Variants in ATP10A observed in about 807,000 individuals in gnomAD.
The protein encoded by ATP10A is phospholipid-transporting ATPase VA.
A neutral mutation model predicts 147.8 loss-of-function variants in ATP10A; 111 were observed. The observed-to-expected ratio is 0.75, with a 90% CI of 0.64 to 0.88. ATP10A has a LOEUF of 0.88. Ranked by LOEUF, ATP10A falls within the 40% of genes least tolerant of loss-of-function variation. ATP10A has a pLI of 0.00. For synonymous variants in ATP10A, 875 were observed against 841.6 expected (o/e 1.04, Z -0.69); for missense variants, 1,927 against 1,959.0 (o/e 0.98, Z 0.31).
In ATP10A at chr15:25,691,857, C is replaced by A. The variant is rs2066705; in HGVS notation, c.3089-66G>T. The A allele has an allele frequency of 5.6e-6, 9 of 1,597,958 alleles. No individual in the cohort carries two copies. In the East Asian group the frequency reaches 2.0e-4, roughly 36 times the overall value. On this transcript the variant is annotated intron_variant, in intron 14 of 20. Coordinates refer to ENST00000555815, the MANE Select transcript of ATP10A (RefSeq NM_024490.4). Reference sequence around the variant, plus strand: ...AACAGCACAGAATCAAATCAATGTGCTAGATTTTCTTGGGAGTCCCCGCTG... The same window carrying A: ...AACAGCACAGAATCAAATCAATGTGATAGATTTTCTTGGGAGTCCCCGCTG...
At chr15:25,771,648 T>C (rs1889342093) in intron 2 of ATP10A, among the ~76,000 whole-genome samples, 3 of 152,132 alleles carry the variant, frequency 2.0e-5, no homozygotes, top group South Asian at 2.1e-4. Context: ...CCAACTGAAG[T>C]CTCACAGGAA....
chr15:25,729,075 C>T (rs1487879160), intron 3 of ATP10A, among the ~76,000 whole-genome samples: 1 of 152,208 alleles, frequency 6.6e-6, no homozygotes, highest in African/African-American at 2.4e-5. Flanking sequence ...CCGTCAGCTC[C>T]GTTGTCATGG....
chr15:25,862,421 G>A lies in ATP10A; in HGVS notation c.449+227C>T. 4.6e-6 allele frequency: 3 copies of A among 653,184 alleles called. No individual in the cohort carries two copies. The South Asian group carries it at 5.0e-5, about 11-fold the overall frequency. 40.5% of individuals were successfully genotyped at this position (653,184 alleles called of 1,614,324 possible). A position where few individuals can be genotyped will look rare whatever the true frequency, so the allele number is the denominator to read the frequency against. ...ACACGGAGTGACAGGGGATCCCCACGCGTCCCCGCATCCAGGGCGCCCCTT... is the reference window on the plus strand; with the variant it reads ...ACACGGAGTGACAGGGGATCCCCACACGTCCCCGCATCCAGGGCGCCCCTT... On this transcript the variant is annotated intron_variant, in intron 1 of 20. Transcript: ENST00000555815.
At chr15:25,792,072 A>G (rs1890452938) in intron 1 of ATP10A, among the ~76,000 whole-genome samples, 1 of 152,174 alleles carries the variant, frequency 6.6e-6, no homozygotes, top group African/African-American at 2.4e-5. Flanking sequence ...TGAGCATCCA[A>G]TGCTGCTTCT....
At chr15:25,687,559 G>T in intron 16 of ATP10A, 144 bp downstream of exon 16, 1 of 594,322 alleles carries the variant, frequency 1.7e-6, no homozygotes, top group Non-Finnish European at 2.4e-6. Flanking sequence ...GCCCAGGACA[G>T]GGGACAATTA....
Position 25,863,118 on chromosome 15 carries a change from G to T in ATP10A, c.-22C>A. 2 of 1,155,398 alleles carry T rather than the reference G, an allele frequency of 1.7e-6. No homozygotes were observed. Among genetic ancestry groups the T allele is most frequent in the Non-Finnish European group, 2.1e-6 (2 of 939,946 alleles). 71.6% of individuals were successfully genotyped at this position (1,155,398 alleles called of 1,614,324 possible). ...CCATGGCCGCGTGTCGCCGCGCCCG[G>T]CTCCTCCGCCGCTCACGCCCGCCCG... On this transcript the variant is annotated 5_prime_UTR_variant, in exon 1 of 21. Transcript: ENST00000555815.
intron 13 of ATP10A, among the ~76,000 whole-genome samples, chr15:25,699,665 T>C (rs1452802456): frequency 2.0e-5 from 3 of 152,098 alleles, no homozygotes; most frequent in Non-Finnish European, 4.4e-5. Context: ...GTTCAGGATT[T>C]TGACACCAGC....
intron 14 of ATP10A, among the ~76,000 whole-genome samples, chr15:25,694,339 A>G (rs1347401259): frequency 6.6e-6 from 1 of 152,262 alleles, no homozygotes; most frequent in East Asian, 1.9e-4. Context: ...AACCATCAGC[A>G]CAGCTGACAG....
chr15:25,750,794 T>C (rs1435218970), intron 2 of ATP10A, among the ~76,000 whole-genome samples: 1 of 151,988 alleles, frequency 6.6e-6, no homozygotes, highest in East Asian at 1.9e-4. Flanking sequence ...CAAAGTTCCT[T>C]TACTATATGT....
chr15:25,835,710 G>A (rs530018002), intron 1 of ATP10A, among the ~76,000 whole-genome samples: 1 of 152,290 alleles, frequency 6.6e-6, no homozygotes, highest in East Asian at 1.9e-4. Context: ...ATTGCTCACT[G>A]AACCCCAAAC....
At chr15:25,698,014 G>A (rs1900441218) in intron 13 of ATP10A, among the ~76,000 whole-genome samples, 1 of 152,116 alleles carries the variant, frequency 6.6e-6, no homozygotes, top group Non-Finnish European at 1.5e-5. Flanking sequence ...AATAAAGAAA[G>A]TTTACCGAAG....
In ATP10A at chr15:25,681,070, TA is replaced by T; in HGVS notation, c.3496del (p.Tyr1166ThrfsTer43). On this transcript the variant is annotated frameshift_variant, in exon 18 of 21. Transcript: ENST00000555815. LOFTEE classifies it high-confidence loss of function. ...GTTAAACCAGAACGTTCGTGGCCGGTATTCCTGGGACACAAAAACAATCAGT... is the reference window on the plus strand; with the variant it reads ...GTTAAACCAGAACGTTCGTGGCCGGTTTCCTGGGACACAAAAACAATCAGT... ...LYKSGQNMEE[Y>X]RPRTFWFNMA... The T allele has an allele frequency of 6.2e-7, 1 of 1,613,372 alleles. No homozygotes were observed. The highest frequency in any genetic ancestry group is 8.5e-7 in the Non-Finnish European group (1 of 1,179,402).
chr15:25,762,815 A>G (rs1888827446), intron 2 of ATP10A, among the ~76,000 whole-genome samples: 1 of 152,034 alleles, frequency 6.6e-6, no homozygotes, highest in Non-Finnish European at 1.5e-5. Flanking sequence ...CCTGGCCTCA[A>G]GTGATCCTCC....
chr15:25,708,407 C>T, intron 10 of ATP10A, 107 bp from the exon 11 acceptor site: 1 of 882,472 alleles, frequency 1.1e-6, no homozygotes, highest in Non-Finnish European at 1.8e-6. Context: ...GCGAATAGAG[C>T]ACAAATTTTC....
At chr15:25,673,416 C>A (rs1899080102), downstream of ATP10A, among the ~76,000 whole-genome samples, 1 of 152,230 alleles carries the variant, frequency 6.6e-6, no homozygotes, top group Non-Finnish European at 1.5e-5. Flanking sequence ...ACATCAGCTG[C>A]AAAAGAGGTA....
rs141674648 is a variant in ATP10A, at chr15:25,833,788, C to T, written c.449+28860G>A. Among the ~76,000 whole-genome samples, 745 of 152,132 alleles carry T rather than the reference C, an allele frequency of 4.9e-3. 9 individuals are homozygous for T. The highest frequency in any genetic ancestry group is 0.017 in the African/African-American group (696 of 41,498). The stretch of plus-strand genomic sequence containing the variant: ...GAGATTGAGACCATCCTGGCTAATA[C>T]GGTGAAACCCCATCTCTACTAAAAA... On this transcript the variant is annotated intron_variant, in intron 1 of 20. Transcript: ENST00000555815.
At chr15:25,803,291 T>C (rs1322612981) in intron 1 of ATP10A, among the ~76,000 whole-genome samples, 1 of 152,228 alleles carries the variant, frequency 6.6e-6, no homozygotes, top group Admixed American at 6.5e-5. Context: ...CCTCCATTCA[T>C]GCATTCATGC....
chr15:25,851,876 C>T (rs182980079), intron 1 of ATP10A, among the ~76,000 whole-genome samples: 4 of 151,990 alleles, frequency 2.6e-5, no homozygotes, highest in East Asian at 1.9e-4. Context: ...CCAGCATGGG[C>T]GACACTGCAA....
In ATP10A at chr15:25,862,693, C is replaced by T. The variant is rs542839934; in HGVS notation, c.404G>A (p.Arg135His). The change falls in exon 1 of 21, where the codon CGC becomes CAC. Residue 135 changes from arginine to histidine, a missense_variant. Transcript: ENST00000555815. ...RDLWEDYSRH[R>H]SDHKINHLGC... ...CAGGTGGTTGATCTTGTGGTCGGAG[C>T]GGTGGCGGCTGTAGTCCTCCCACAG... 23 of 1,606,234 alleles carry T rather than the reference C, an allele frequency of 1.4e-5. No individual in the cohort carries two copies. In the East Asian group the frequency reaches 1.6e-4, roughly 11 times the overall value.
Sources: allele counts gnomAD v4.1 joint callset (sites outside exome capture counted in the v4.1 genomes callset), GRCh38; gene constraint gnomAD v4.1.1; transcripts MANE v1.5; gene names NCBI Gene and HGNC (gene_info 2026-07-23, HGNC 2026-07-21).